The following BTBD9 variants were observed in gnomAD, a reference collection of about 807,000 sequenced individuals.
BTBD9 encodes the protein BTB domain containing 9.
Under a neutral mutation model 64.3 loss-of-function variants are expected in BTBD9, and 49 were observed. The observed-to-expected ratio is 0.76, with a 90% CI of 0.61 to 0.97. BTBD9 has a LOEUF of 0.97. Among genes scored for constraint, BTBD9 ranks in the 50% least tolerant of loss-of-function variants. The pLI is 0.00. For synonymous variants in BTBD9, 260 were observed against 274.7 expected (o/e 0.95, Z 0.53); for missense variants, 598 against 762.1 (o/e 0.78, Z 2.53).
intron 7 of BTBD9, among the ~76,000 whole-genome samples, chr6:38,310,311 C>T (rs988026379): frequency 7.9e-5 from 12 of 152,114 alleles, no homozygotes; most frequent in Non-Finnish European, 1.5e-4. Context: ...GTGTGAAGGA[C>T]GCCTCCTGAG....
intron 6 of BTBD9, among the ~76,000 whole-genome samples, chr6:38,437,770 T>C (rs1447379426): frequency 6.6e-6 from 1 of 152,148 alleles, no homozygotes; most frequent in Non-Finnish European, 1.5e-5. Context: ...TAAACTAAAA[T>C]ACAATTTTTA....
Position 38,335,714 on chromosome 6 carries a change from C to T in BTBD9, c.1264+9270G>A, listed in dbSNP as rs572504161. The stretch of plus-strand genomic sequence containing the variant: ...CCGAGTAGCTGAGACTACAGGCGTG[C>T]GCCACCATGCCCAGCTAATTTATTT... On this transcript the variant is annotated intron_variant, in intron 7 of 10. Coordinates refer to ENST00000481247, the MANE Select transcript of BTBD9 (RefSeq NM_001099272.2). Among the ~76,000 whole-genome samples the T allele has an allele frequency of 2.3e-4, 35 of 152,110 alleles. 1 individual carries two copies. The highest frequency in any genetic ancestry group is 4.2e-4 in the South Asian group (2 of 4,802).
intron 6 of BTBD9, among the ~76,000 whole-genome samples, chr6:38,525,853 T>C (rs114327241): frequency 0.015 from 2,265 of 152,272 alleles, 42 homozygotes; most frequent in African/African-American, 0.051. Flanking sequence ...TGCATGCTCA[T>C]ATGTGTGAAC....
At chr6:38,190,129 T>C in intron 10 of BTBD9, among the ~76,000 whole-genome samples, 1 of 152,104 alleles carries the variant, frequency 6.6e-6, no homozygotes, top group Non-Finnish European at 1.5e-5. Flanking sequence ...CCTTTTTTTG[T>C]TCTCTGAGAA....
intron 8 of BTBD9, among the ~76,000 whole-genome samples, chr6:38,261,269 G>A (rs1212057615): frequency 6.6e-6 from 1 of 152,066 alleles, no homozygotes; most frequent in East Asian, 1.9e-4. Flanking sequence ...CTAAATCTAT[G>A]ATTATTGTCT....
intron 6 of BTBD9, among the ~76,000 whole-genome samples, chr6:38,460,370 C>T (rs908110828): frequency 5.9e-5 from 9 of 152,188 alleles, no homozygotes; most frequent in African/African-American, 2.2e-4. Context: ...TCTGACAACA[C>T]ATTCCTATTT....
At chr6:38,467,243 T>C (rs1388164088) in intron 6 of BTBD9, among the ~76,000 whole-genome samples, 1 of 152,190 alleles carries the variant, frequency 6.6e-6, no homozygotes, top group African/African-American at 2.4e-5. Flanking sequence ...TTTTTGTCCC[T>C]TTTAGCTTGG....
chr6:38,614,172 C>T (rs1490614326), intron 1 of BTBD9, among the ~76,000 whole-genome samples: 3 of 152,164 alleles, frequency 2.0e-5, no homozygotes, highest in South Asian at 4.1e-4. Context: ...CTGCCTCTTT[C>T]AAGGCTCAGA....
intron 6 of BTBD9, among the ~76,000 whole-genome samples, chr6:38,487,257 T>G (rs1275097233): frequency 1.3e-5 from 2 of 152,214 alleles, no homozygotes; most frequent in African/African-American, 4.8e-5. Flanking sequence ...TTCTGAAGGA[T>G]TATTTTATTT....
chr6:38,549,959 C>T (rs1462552781), intron 6 of BTBD9, among the ~76,000 whole-genome samples: 1 of 152,154 alleles, frequency 6.6e-6, no homozygotes, highest in African/African-American at 2.4e-5. Context: ...GCTTGGCTTT[C>T]AAGAAACTAT....
At chr6:38,287,675 T>C (rs1454109582) in intron 8 of BTBD9, among the ~76,000 whole-genome samples, 1 of 152,192 alleles carries the variant, frequency 6.6e-6, no homozygotes, top group Non-Finnish European at 1.5e-5. Flanking sequence ...GTTTCCACAA[T>C]GACAAAATTG....
intron 9 of BTBD9, among the ~76,000 whole-genome samples, chr6:38,194,841 T>C (rs960557971): frequency 2.0e-5 from 3 of 149,056 alleles, no homozygotes; most frequent in African/African-American, 7.7e-5. Context: ...CCCTTGCTTC[T>C]GCATGGGGAG....
chr6:38,618,038 T>C (rs1726629328), intron 1 of BTBD9, among the ~76,000 whole-genome samples: 1 of 152,184 alleles, frequency 6.6e-6, no homozygotes, highest in Non-Finnish European at 1.5e-5. Flanking sequence ...CACTGCTGCT[T>C]CAGTGAGCGC....
intron 10 of BTBD9, among the ~76,000 whole-genome samples, chr6:38,176,952 C>G (rs1015852951): frequency 3.9e-5 from 6 of 152,206 alleles, no homozygotes; most frequent in Non-Finnish European, 8.8e-5. Flanking sequence ...CAACACCCCC[C>G]CCACTAAAGC....
intron 6 of BTBD9, among the ~76,000 whole-genome samples, chr6:38,364,411 CA>C (rs1198011712): frequency 2.0e-5 from 3 of 152,036 alleles, no homozygotes; most frequent in Non-Finnish European, 2.9e-5. Flanking sequence ...TATATGAACA[CA>C]AAAACAGACA....
intron 8 of BTBD9, among the ~76,000 whole-genome samples, chr6:38,272,930 G>T (rs1376843813): frequency 6.6e-6 from 1 of 152,152 alleles, no homozygotes; most frequent in East Asian, 1.9e-4. Flanking sequence ...ACTGTCTAAA[G>T]GAATTAGAGC....
At chr6:38,251,671 A>T (rs1764408051) in intron 9 of BTBD9, among the ~76,000 whole-genome samples, 1 of 152,048 alleles carries the variant, frequency 6.6e-6, no homozygotes, top group African/African-American at 2.4e-5. Context: ...TGAATGGATC[A>T]CCTGTGGTCA....
chr6:38,198,265 G>T (rs529705832), intron 9 of BTBD9, among the ~76,000 whole-genome samples: 262 of 152,070 alleles, frequency 1.7e-3, no homozygotes, highest in African/African-American at 6.1e-3. Flanking sequence ...ATTAGTGGGG[G>T]AAGTGGAGTT....
chr6:38,305,840 A>C (rs1002935571), intron 7 of BTBD9, among the ~76,000 whole-genome samples: 1 of 152,204 alleles, frequency 6.6e-6, no homozygotes, highest in African/African-American at 2.4e-5. Flanking sequence ...TGCTTTAGTC[A>C]CACTTACAGT....
Sources: allele counts gnomAD v4.1 joint callset (sites outside exome capture counted in the v4.1 genomes callset), GRCh38; gene constraint gnomAD v4.1.1; transcripts MANE v1.5; gene names NCBI Gene and HGNC (gene_info 2026-07-23, HGNC 2026-07-21).